Variants in FOXN3 observed in about 807,000 individuals in gnomAD.
The protein encoded by FOXN3 is forkhead box protein N3.
FOXN3 carries 7 observed loss-of-function variants against 38.4 expected under a neutral mutation model. That is an observed-to-expected ratio of 0.18 (90% confidence interval 0.10 to 0.34). The LOEUF is 0.34. Among genes scored for constraint, FOXN3 ranks in the 10% least tolerant of loss-of-function variants. FOXN3 has a pLI of 1.00. For synonymous variants in FOXN3, 230 were observed against 242.2 expected (o/e 0.95, Z 0.47); for missense variants, 456 against 613.4 (o/e 0.74, Z 2.71).
intron 1 of FOXN3, among the ~76,000 whole-genome samples, chr14:89,480,065 C>A (rs1893290433): frequency 6.6e-6 from 1 of 152,112 alleles, no homozygotes; most frequent in African/African-American, 2.4e-5. Context: ...TGTAAGCACC[C>A]TACTGGGGCT....
intron 1 of FOXN3, among the ~76,000 whole-genome samples, chr14:89,509,454 C>A (rs534572994): frequency 2.0e-5 from 3 of 152,218 alleles, no homozygotes; most frequent in Non-Finnish European, 4.4e-5. Flanking sequence ...CCTGACTCAG[C>A]CTCCCAAGTA....
chr14:89,297,699 T>A (rs1043704117), intron 3 of FOXN3, among the ~76,000 whole-genome samples: 27 of 152,286 alleles, frequency 1.8e-4, no homozygotes, highest in African/African-American at 4.8e-4. Flanking sequence ...TATTCACATC[T>A]GGGTGCGATG....
chr14:89,254,370 G>C (rs1006286708), intron 4 of FOXN3, among the ~76,000 whole-genome samples: 1 of 152,148 alleles, frequency 6.6e-6, no homozygotes. Flanking sequence ...CCTAACCAGG[G>C]ACTCAGTTCA....
chr14:89,498,324 C>T (rs1194240570), intron 1 of FOXN3, among the ~76,000 whole-genome samples: 2 of 148,768 alleles, frequency 1.3e-5, no homozygotes, highest in African/African-American at 5.0e-5. Context: ...CTGGGTTCAA[C>T]CAATTCTCCT....
chr14:89,328,320 G>A (rs1366484132), intron 3 of FOXN3, among the ~76,000 whole-genome samples: 3 of 152,200 alleles, frequency 2.0e-5, no homozygotes, highest in Admixed American at 6.5e-5. Context: ...TGGATGAATG[G>A]GCAAAGAGAC....
intron 4 of FOXN3, among the ~76,000 whole-genome samples, chr14:89,250,206 G>A (rs1363981799): frequency 6.6e-6 from 1 of 152,154 alleles, no homozygotes; most frequent in Non-Finnish European, 1.5e-5. Flanking sequence ...GACTTCCTGG[G>A]CTCAACGGAT....
At chr14:89,495,340 T>C (rs1311567393) in intron 1 of FOXN3, among the ~76,000 whole-genome samples, 2 of 152,232 alleles carry the variant, frequency 1.3e-5, no homozygotes, top group African/African-American at 4.8e-5. Context: ...AAAATTAGCC[T>C]AGAAAAGATG....
chr14:89,341,843 G>T (rs544360107), intron 3 of FOXN3, among the ~76,000 whole-genome samples: 69 of 152,240 alleles, frequency 4.5e-4, no homozygotes, highest in Non-Finnish European at 9.0e-4. Context: ...CAGAATGCAG[G>T]TGAGCCCCAC....
At chr14:89,488,837 C>G (rs559853606) in intron 1 of FOXN3, among the ~76,000 whole-genome samples, 1 of 152,098 alleles carries the variant, frequency 6.6e-6, no homozygotes, top group African/African-American at 2.4e-5. Flanking sequence ...TACCACGCCT[C>G]GACAGCCCCT....
intron 1 of FOXN3, among the ~76,000 whole-genome samples, chr14:89,447,170 T>C (rs1016027453): frequency 5.5e-5 from 8 of 145,890 alleles, no homozygotes; most frequent in Admixed American, 2.1e-4. Context: ...CACTCCAGCC[T>C]GGACAACAAG....
At chr14:89,296,593 C>G (rs1053948845) in intron 3 of FOXN3, among the ~76,000 whole-genome samples, 12 of 152,320 alleles carry the variant, frequency 7.9e-5, no homozygotes, top group Non-Finnish European at 1.8e-4. Flanking sequence ...TCTGAAGCAG[C>G]AACTTGGGAC....
At chr14:89,202,629 T>G (rs1027830324) in intron 4 of FOXN3, among the ~76,000 whole-genome samples, 4 of 152,192 alleles carry the variant, frequency 2.6e-5, no homozygotes, top group Non-Finnish European at 4.4e-5. Flanking sequence ...GCTGTCCTTG[T>G]GGTCATGAGT....
At chr14:89,357,848 A>G (rs7154062) in intron 2 of FOXN3, among the ~76,000 whole-genome samples, 3,331 of 152,250 alleles carry the variant, frequency 0.022, 110 homozygotes, top group African/African-American at 0.075. Flanking sequence ...TATTCTCGCT[A>G]TTATGCAACG....
intron 4 of FOXN3, among the ~76,000 whole-genome samples, chr14:89,254,194 G>A (rs181484694): frequency 3.3e-5 from 5 of 152,318 alleles, no homozygotes; most frequent in Non-Finnish European, 5.9e-5. Flanking sequence ...GGATGAATGA[G>A]TTAAAGCAAG....
chr14:89,461,930 G>A (rs1892857771), intron 1 of FOXN3, among the ~76,000 whole-genome samples: 1 of 152,192 alleles, frequency 6.6e-6, no homozygotes, highest in Admixed American at 6.5e-5. Context: ...TGGGCACAGG[G>A]GGTCTTGGCA....
chr14:89,213,494 G>GTCCC (rs1359851107), intron 4 of FOXN3, among the ~76,000 whole-genome samples: 1 of 152,164 alleles, frequency 6.6e-6, no homozygotes, highest in Non-Finnish European at 1.5e-5. Flanking sequence ...CAGAGTGACT[G>GTCCC]TCCCTCTCTC....
chr14:89,606,643 A>G (rs1402977408), intron 1 of FOXN3, among the ~76,000 whole-genome samples: 2 of 152,200 alleles, frequency 1.3e-5, no homozygotes, highest in Non-Finnish European at 2.9e-5. Context: ...TGAGGTCAGG[A>G]GTTCGAGACC....
At chr14:89,570,316 T>C (rs937902645) in intron 1 of FOXN3, among the ~76,000 whole-genome samples, 1 of 152,088 alleles carries the variant, frequency 6.6e-6, no homozygotes, top group African/African-American at 2.4e-5. Context: ...TTGGTAATTT[T>C]TAAGGCACAG....
intron 2 of FOXN3, among the ~76,000 whole-genome samples, chr14:89,386,686 G>A (rs1165413606): frequency 3.3e-5 from 5 of 152,192 alleles, no homozygotes; most frequent in Admixed American, 6.5e-5. Flanking sequence ...CACAGACTGC[G>A]TGGCTCATAC....
Sources: gnomAD v4.1 joint callset for allele counts (sites outside exome capture counted in the v4.1 genomes callset) on GRCh38, gnomAD v4.1.1 for gene constraint, MANE v1.5 for transcripts, NCBI Gene and HGNC (gene_info 2026-07-23, HGNC 2026-07-21) for gene names.